CACNA1B: variants seen among roughly 807,000 people sequenced by gnomAD.
CACNA1B encodes calcium voltage-gated channel subunit alpha1 B, also known as voltage-dependent N-type calcium channel subunit alpha-1B.
Under a neutral mutation model 247.2 loss-of-function variants are expected in CACNA1B, and 70 were observed. That is an observed-to-expected ratio of 0.28 (90% CI 0.23 to 0.35). CACNA1B has a LOEUF of 0.35. Ranked by LOEUF, CACNA1B falls within the 10% of genes least tolerant of loss-of-function variation. CACNA1B has a pLI of 1.00. For synonymous variants in CACNA1B, 1,231 were observed against 1,294.4 expected, an observed-to-expected ratio of 0.95 and a Z score of 1.05; for missense variants, 2,367 against 3,197.4, an observed-to-expected ratio of 0.74 and a Z score of 6.26.
In CACNA1B at chr9:138,011,103, G is replaced by A. The variant is rs946885851; in HGVS notation, c.2160+1026G>A. On this transcript the variant is annotated intron_variant, in intron 17 of 46. Transcript: ENST00000371372. The surrounding 1 kb of genome is among the most constrained non-coding windows in gnomAD (Gnocchi z 4.2). ...TGGCCATGCCTATGCCTAGGGGCCCGGATTCCTCCCTGGCGCTCTGGTTTC... is the reference window on the plus strand; with the variant it reads ...TGGCCATGCCTATGCCTAGGGGCCCAGATTCCTCCCTGGCGCTCTGGTTTC... Among the ~76,000 whole-genome samples, 3 of 152,192 alleles carry A rather than the reference G, an allele frequency of 2.0e-5. No individual in the cohort carries two copies. Among genetic ancestry groups the A allele is most frequent in the South Asian group, 4.1e-4 (2 of 4,828 alleles).
At position 138,073,955 on chromosome 9, in the gene CACNA1B, T is replaced by G; in HGVS notation, c.4792-46T>G. ...GCCACCGTAGCAGGAGGCCTGGGCG[T>G]GGTGGCTGGGAGGTGCCTGTAGCTG... is the stretch of plus-strand genomic sequence containing the variant. On this transcript the variant is annotated intron_variant, in intron 33 of 46. Coordinates refer to ENST00000371372, the MANE Select transcript of CACNA1B (RefSeq NM_000718.4). The surrounding 1 kb of genome is among the most constrained non-coding windows in gnomAD (Gnocchi z 6.4). 5 of 1,513,080 alleles carry G rather than the reference T, an allele frequency of 3.3e-6. No individual in the cohort carries two copies. The highest frequency in any genetic ancestry group is 4.6e-6 in the Non-Finnish European group (5 of 1,095,128). The allele number at this position is 1,513,080 out of a possible 1,614,324, so 93.7% of individuals were successfully genotyped here. A position where few individuals can be genotyped will look rare whatever the true frequency, so the allele number is the denominator to read the frequency against.
rs201782791 is a variant in CACNA1B, at chr9:138,120,782, C to A, written c.6390C>A (p.Cys2130Ter). Residue 2130 changes from cysteine (C) to a stop codon, truncating the protein, a stop_gained, in exon 46 of 47, where the codon TGC becomes TGA. Transcript: ENST00000371372. LOFTEE classifies it high-confidence loss of function. The part of the protein sequence containing the change: ...SSSEKQRFYS[C>*]DRFGGREPPK... Reference sequence around the variant, plus strand: ...CGGAGAAGCAGCGCTTCTACTCCTGCGACCGCTTTGGGGGCCGTGAGCCCC... The same window carrying A: ...CGGAGAAGCAGCGCTTCTACTCCTGAGACCGCTTTGGGGGCCGTGAGCCCC... The A allele has an allele frequency of 6.4e-7, 1 of 1,553,538 alleles. No individual in the cohort carries two copies. Among genetic ancestry groups the A allele is most frequent in the Middle Eastern group, 1.7e-4 (1 of 5,980 alleles).
In CACNA1B at chr9:138,121,032, G is replaced by A. The variant is rs1589141262; in HGVS notation, c.6489+151G>A. ...GGCCGGGCGCTCCCCTCTGTGCCCT[G>A]TCCCGGAGCCCACGTCTGCAGCCTA... On this transcript the variant is annotated intron_variant, in intron 46 of 46. Transcript: ENST00000371372. The surrounding 1 kb of genome is among the most constrained non-coding windows in gnomAD (Gnocchi z 6.8). 6.6e-6 allele frequency among the ~76,000 whole-genome samples: 1 copy of A among 152,208 alleles called. No homozygotes were observed. Among genetic ancestry groups the A allele is most frequent in the East Asian group, 1.9e-4 (1 of 5,170 alleles).
At chr9:137,953,676 T>A (rs1369530335) in intron 7 of CACNA1B, among the ~76,000 whole-genome samples, 1 of 151,962 alleles carries the variant, frequency 6.6e-6, no homozygotes, top group Non-Finnish European at 1.5e-5. Flanking sequence ...ACTGGGGGAC[T>A]AGGAATGAGC....
rs554467699 is a variant in CACNA1B, at chr9:138,043,187, C to T, written c.3287-587C>T. Among the ~76,000 whole-genome samples the T allele has an allele frequency of 7.9e-5, 12 of 152,166 alleles. No individual in the cohort carries two copies. In the South Asian group the frequency reaches 1.2e-3, roughly 16 times the overall value. On this transcript the variant is annotated intron_variant, in intron 20 of 46. Coordinates refer to ENST00000371372, the MANE Select transcript of CACNA1B (RefSeq NM_000718.4). ...TGCTGAGCGGTAGAGGATGGGCCCTCGGGGAAGGAGGCGACGAGTCGGGGC... is the reference window on the plus strand; with the variant it reads ...TGCTGAGCGGTAGAGGATGGGCCCTTGGGGAAGGAGGCGACGAGTCGGGGC...
intron 19 of CACNA1B, among the ~76,000 whole-genome samples, chr9:138,024,660 G>A (rs911504338): frequency 1.1e-4 from 17 of 152,080 alleles, no homozygotes; most frequent in Admixed American, 1.1e-3. Flanking sequence ...AGACAGGACC[G>A]CACTGTCGCC....
chr9:138,092,397 A>G (rs934491141), intron 36 of CACNA1B, among the ~76,000 whole-genome samples: 35 of 152,218 alleles, frequency 2.3e-4, no homozygotes, highest in African/African-American at 8.2e-4. Context: ...GAATTCAGCA[A>G]TATTTCTCCT....
intron 15 of CACNA1B, among the ~76,000 whole-genome samples, chr9:137,999,388 C>A (rs561458896): frequency 6.6e-6 from 1 of 151,812 alleles, no homozygotes; most frequent in African/African-American, 2.4e-5. Context: ...TCAGAAATCA[C>A]GATGGCCATT....
intron 6 of CACNA1B, among the ~76,000 whole-genome samples, chr9:137,927,036 A>G (rs1957558988): frequency 6.6e-6 from 1 of 152,162 alleles, no homozygotes; most frequent in African/African-American, 2.4e-5. Context: ...TAAAATTTTC[A>G]TGCAGTCTAG....
chr9:137,935,083 C>A (rs533369976), intron 6 of CACNA1B, among the ~76,000 whole-genome samples: 1 of 152,064 alleles, frequency 6.6e-6, no homozygotes, highest in Non-Finnish European at 1.5e-5. Context: ...AAAAATGATA[C>A]GAGAAATGAG....
intron 6 of CACNA1B, among the ~76,000 whole-genome samples, chr9:137,949,141 A>ACG (rs1564203267): frequency 0.026 from 31 of 1,180 alleles, no homozygotes; most frequent in Admixed American, 0.045. Context: ...TGTGTGGTGT[A>ACG]TCTGTGCATG....
intron 20 of CACNA1B, among the ~76,000 whole-genome samples, chr9:138,034,367 C>T (rs1169448267): frequency 2.0e-5 from 3 of 151,898 alleles, no homozygotes; most frequent in Non-Finnish European, 4.4e-5. Context: ...ACCACCCTAG[C>T]AGGGGCTTTG....
At chr9:138,115,238 G>A (rs1407368245) in intron 41 of CACNA1B, among the ~76,000 whole-genome samples, 1 of 152,188 alleles carries the variant, frequency 6.6e-6, no homozygotes, top group Non-Finnish European at 1.5e-5. Flanking sequence ...CTGTAATCTG[G>A]TCCAATCCCC....
rs377128754 is a variant in CACNA1B at position 137,883,567 on chromosome 9, C to T, written c.530+684C>T. Among the ~76,000 whole-genome samples the T allele has an allele frequency of 6.7e-4, 100 of 149,282 alleles. 2 individuals are homozygous for T. Among genetic ancestry groups the T allele is most frequent in the African/African-American group, 2.2e-3 (91 of 40,648 alleles). On this transcript the variant is annotated intron_variant, in intron 3 of 46. Transcript: ENST00000371372. The stretch of plus-strand genomic sequence containing the variant: ...ACCCCACCCTCCAGGGTGTTAACTC[C>T]CCAACCTGTGCAGTGGGCACTGTGA...
chr9:137,917,128 G>T lies in CACNA1B; in HGVS notation c.776-113G>T. On this transcript the variant is annotated intron_variant, in intron 5 of 46. Coordinates refer to ENST00000371372, the MANE Select transcript of CACNA1B (RefSeq NM_000718.4). This position sits in a 1 kb window ranked among gnomAD's most constrained non-coding sequence, Gnocchi z 5.5. ...GGAAGTTGAGGGAGAGTTTCTGTTG[G>T]TGGCTGGTTCCTGCCCACCTGCTGT... 1 of 883,602 alleles carries T rather than the reference G, an allele frequency of 1.1e-6. No individual in the cohort carries two copies. Among genetic ancestry groups the T allele is most frequent in the Non-Finnish European group, 1.7e-6 (1 of 576,540 alleles). The allele number at this position is 883,602 out of a possible 1,614,324, so 54.7% of individuals were successfully genotyped here.
intron 3 of CACNA1B, chr9:137,883,092 T>G: frequency 1.7e-6 from 1 of 595,960 alleles, no homozygotes; most frequent in Non-Finnish European, 3.0e-6. Context: ...GCTGTATTTC[T>G]CGCTGACGGA....
At chr9:138,034,517 T>C (rs1959020430) in intron 20 of CACNA1B, among the ~76,000 whole-genome samples, 1 of 151,932 alleles carries the variant, frequency 6.6e-6, no homozygotes, top group South Asian at 2.1e-4. Flanking sequence ...CTATAAGTTT[T>C]ATATCTCGGT....
At chr9:138,074,244 CTTTTTT>C (rs374889294) in intron 34 of CACNA1B, among the ~76,000 whole-genome samples, 178 bp downstream of exon 34, 2 of 144,318 alleles carry the variant, frequency 1.4e-5, no homozygotes, top group African/African-American at 5.1e-5. Flanking sequence ...TTTTCTTACT[CTTTTTT>C]TTTTTTTTGA....
chr9:137,916,013 T>G (rs1283773147), intron 5 of CACNA1B, among the ~76,000 whole-genome samples: 2 of 151,838 alleles, frequency 1.3e-5, no homozygotes, highest in Non-Finnish European at 2.9e-5. Flanking sequence ...ATAGATATTT[T>G]CATGTGTTGT....
Sources: allele counts gnomAD v4.1 joint callset (sites outside exome capture counted in the v4.1 genomes callset), GRCh38; gene constraint gnomAD v4.1.1; non-coding constraint Gnocchi (gnomAD v3.1); transcripts MANE v1.5; gene names NCBI Gene and HGNC (gene_info 2026-07-23, HGNC 2026-07-21).